The following ZNF385D variants were observed in gnomAD, a reference collection of about 807,000 sequenced individuals.
The protein encoded by ZNF385D is zinc finger protein 659.
ZNF385D carries 15 observed loss-of-function variants against 35.8 expected under a neutral mutation model. The ratio of observed to expected loss-of-function variants is 0.42; its 90% CI spans 0.28 to 0.64. The LOEUF is 0.64. Among genes scored for constraint, ZNF385D ranks in the 30% least tolerant of loss-of-function variants. ZNF385D has a pLI of 0.23. For synonymous variants in ZNF385D, 212 were observed against 186.8 expected (o/e 1.13, Z -1.10); for missense variants, 474 against 494.6 (o/e 0.96, Z 0.39).
chr3:21,727,848 T>C (rs747910665), intron 1 of ZNF385D, among the ~76,000 whole-genome samples: 26 of 152,132 alleles, frequency 1.7e-4, no homozygotes, highest in Non-Finnish European at 3.2e-4. Context: ...CATTCAACTA[T>C]AAAGACACAA....
intron 3 of ZNF385D, among the ~76,000 whole-genome samples, chr3:21,989,771 C>G (rs1053086323): frequency 1.3e-5 from 2 of 152,166 alleles, no homozygotes; most frequent in African/African-American, 4.8e-5. Flanking sequence ...AATGCTTCAA[C>G]TGACCCAGGT....
In ZNF385D at chr3:22,020,286, G is replaced by A. The variant is rs532874882; in HGVS notation, c.325+148531C>T. ...CTCTACAGAAAGGACACCCAGGCAG[G>A]AGTGGAAATGCTGCATGTATAGATT... On this transcript the variant is annotated intron_variant, in intron 3 of 5. Transcript: ENST00000494108. Among the ~76,000 whole-genome samples the A allele has an allele frequency of 2.0e-5, 3 of 152,026 alleles. 1 individual carries two copies. In the South Asian group the frequency reaches 6.2e-4, roughly 31 times the overall value.
intron 1 of ZNF385D, among the ~76,000 whole-genome samples, chr3:21,677,607 C>T (rs1212017416): frequency 2.0e-5 from 3 of 151,894 alleles, no homozygotes; most frequent in Non-Finnish European, 4.4e-5. Context: ...TTTAATTTAA[C>T]AATTAGAGTA....
intron 3 of ZNF385D, among the ~76,000 whole-genome samples, chr3:21,980,710 C>T (rs1158474397): frequency 6.6e-6 from 1 of 152,164 alleles, no homozygotes; most frequent in Non-Finnish European, 1.5e-5. Flanking sequence ...GTTCCTATCC[C>T]TCCTCTTTCT....
intron 1 of ZNF385D, among the ~76,000 whole-genome samples, chr3:21,683,391 G>A (rs1349097426): frequency 6.7e-6 from 1 of 149,652 alleles, no homozygotes; most frequent in East Asian, 2.0e-4. Context: ...GGCCGAGTTG[G>A]GTGGATCACG....
intron 4 of ZNF385D, among the ~76,000 whole-genome samples, chr3:21,445,117 T>C (rs1338052409): frequency 6.6e-6 from 1 of 152,220 alleles, no homozygotes; most frequent in Non-Finnish European, 1.5e-5. Context: ...ACCTACTTTA[T>C]ATCTTCAACC....
At position 22,214,623 on chromosome 3, in the gene ZNF385D, G is replaced by A. The variant is rs556637905; in HGVS notation, c.107-45588C>T. Among the ~76,000 whole-genome samples the A allele has an allele frequency of 3.9e-4, 59 of 152,060 alleles. 1 individual carries two copies. The highest frequency in any genetic ancestry group is 5.3e-4 in the Non-Finnish European group (36 of 67,978). ...CTCTAAAATGGCCGCTTCAGGGGGT[G>A]GCCATCTTTTATGGTCAAGCTGTAT... On this transcript the variant is annotated intron_variant, in intron 2 of 5. Transcript: ENST00000494108.
At chr3:21,932,234 C>T (rs1301211869) in intron 3 of ZNF385D, among the ~76,000 whole-genome samples, 1 of 143,836 alleles carries the variant, frequency 7.0e-6, no homozygotes, top group Non-Finnish European at 1.5e-5. Context: ...GTAAGAAGCC[C>T]TTTGTGATAT....
chr3:21,552,153 G>C (rs1010514107), intron 3 of ZNF385D, among the ~76,000 whole-genome samples: 6 of 152,126 alleles, frequency 3.9e-5, no homozygotes, highest in Non-Finnish European at 8.8e-5. Context: ...ATAAATTCCA[G>C]ATTTACCTGG....
chr3:21,622,247 A>G (rs2065028435), intron 2 of ZNF385D, among the ~76,000 whole-genome samples: 1 of 152,184 alleles, frequency 6.6e-6, no homozygotes, highest in Non-Finnish European at 1.5e-5. Context: ...AAAGAAAATA[A>G]AGTCAAAAGC....
At chr3:21,911,905 T>A (rs1209180510) in intron 3 of ZNF385D, among the ~76,000 whole-genome samples, 34 of 151,880 alleles carry the variant, frequency 2.2e-4, no homozygotes, top group Non-Finnish European at 7.4e-5. Context: ...TAGAAGATAA[T>A]AATGTAAGCA....
At position 22,112,487 on chromosome 3, in the gene ZNF385D, C is replaced by T. The variant is rs142974373; in HGVS notation, c.325+56330G>A. Reference sequence around the variant, plus strand: ...AAATCGTACCAGTAATTCTTAATTTCTTGTTGATAAGCAAAATTATATTTA... The same window carrying T: ...AAATCGTACCAGTAATTCTTAATTTTTTGTTGATAAGCAAAATTATATTTA... On this transcript the variant is annotated intron_variant, in intron 3 of 5. Coordinates refer to the ZNF385D transcript ENST00000494108. Among the ~76,000 whole-genome samples, 969 of 152,118 alleles carry T rather than the reference C, an allele frequency of 6.4e-3. 14 individuals carry two copies. The highest frequency in any genetic ancestry group is 0.022 in the African/African-American group (913 of 41,532).
intron 1 of ZNF385D, among the ~76,000 whole-genome samples, chr3:21,699,959 G>T (rs2067617859): frequency 6.6e-6 from 1 of 150,562 alleles, no homozygotes; most frequent in Non-Finnish European, 1.5e-5. Flanking sequence ...GGCCTCCCAA[G>T]TAGCTGGGAT....
intron 3 of ZNF385D, among the ~76,000 whole-genome samples, chr3:21,530,967 A>G (rs1013813804): frequency 4.6e-5 from 7 of 152,182 alleles, no homozygotes; most frequent in Non-Finnish European, 7.3e-5. Flanking sequence ...AGTGGCTAAG[A>G]AACCAAAAGA....
At position 21,425,449 on chromosome 3, in the gene ZNF385D, C is replaced by T. The variant is rs746844724; in HGVS notation, c.852+43G>A. 4 of 1,526,764 alleles carry T rather than the reference C, an allele frequency of 2.6e-6. No homozygotes were observed. The Admixed American group carries it at 7.6e-5, about 29-fold the overall frequency. The allele number at this position is 1,526,764 out of a possible 1,614,324, so 94.6% of individuals were successfully genotyped here. On this transcript the variant is annotated intron_variant, in intron 6 of 7. Coordinates refer to ENST00000281523, the MANE Select transcript of ZNF385D (RefSeq NM_024697.3). ...AAGCACACACATCCTGCTTATAAGGCTGTCCCTTGTTGGTTTTCATTCCTA... is the reference window on the plus strand; with the variant it reads ...AAGCACACACATCCTGCTTATAAGGTTGTCCCTTGTTGGTTTTCATTCCTA...
chr3:21,675,483 A>G (rs2066697425), intron 1 of ZNF385D, among the ~76,000 whole-genome samples: 1 of 152,218 alleles, frequency 6.6e-6, no homozygotes, highest in South Asian at 2.1e-4. Flanking sequence ...AAGTTCATGC[A>G]GTTAGTAAGT....
chr3:21,962,316 T>C (rs9834671), intron 3 of ZNF385D, among the ~76,000 whole-genome samples: 104,048 of 151,892 alleles, frequency 0.69, 36,798 homozygotes, highest in Non-Finnish European at 0.77. Flanking sequence ...AGAAGGTAAA[T>C]TCTAGGTTAT....
At chr3:22,068,277 A>G (rs1356031580) in intron 3 of ZNF385D, among the ~76,000 whole-genome samples, 1 of 152,052 alleles carries the variant, frequency 6.6e-6, no homozygotes, top group East Asian at 1.9e-4. Context: ...ACCTAGTAAT[A>G]CTGTGTCTCT....
At chr3:22,361,963 G>T (rs1049931112) in intron 2 of ZNF385D, among the ~76,000 whole-genome samples, 8 of 151,660 alleles carry the variant, frequency 5.3e-5, no homozygotes, top group South Asian at 2.1e-4. Context: ...AAAACATTTT[G>T]CTCTAAATAG....
Sources: gnomAD v4.1 joint callset for allele counts (sites outside exome capture counted in the v4.1 genomes callset) on GRCh38, gnomAD v4.1.1 for gene constraint, MANE v1.5 for transcripts, NCBI Gene and HGNC (gene_info 2026-07-23, HGNC 2026-07-21) for gene names.